CACNA1E: variants seen among roughly 807,000 people sequenced by gnomAD.
The protein encoded by CACNA1E is calcium voltage-gated channel subunit alpha1 E, also known as voltage-dependent R-type calcium channel subunit alpha-1E.
A neutral mutation model predicts 259.2 loss-of-function variants in CACNA1E; 40 were observed. That is an observed-to-expected ratio of 0.15 (90% CI 0.12 to 0.20). CACNA1E has a LOEUF of 0.20. Ranked by LOEUF, CACNA1E falls within the 10% of genes least tolerant of loss-of-function variation. CACNA1E has a pLI of 1.00. For missense variants in CACNA1E, 1,874 were observed against 3,040.1 expected, an observed-to-expected ratio of 0.62 and a Z score of 9.02; for synonymous variants, 1,104 against 1,138.5, an observed-to-expected ratio of 0.97 and a Z score of 0.61.
intron 6 of CACNA1E, among the ~76,000 whole-genome samples, chr1:181,617,141 G>A (rs1343872601): frequency 6.6e-6 from 1 of 151,948 alleles, no homozygotes; most frequent in African/African-American, 2.4e-5. Flanking sequence ...TGGTTTTGTT[G>A]ATTTTTCTGG....
At chr1:181,691,146 C>T (rs1651110942) in intron 7 of CACNA1E, among the ~76,000 whole-genome samples, 1 of 151,840 alleles carries the variant, frequency 6.6e-6, no homozygotes, top group African/African-American at 2.4e-5. Context: ...TTCTATTAGC[C>T]TCACTTTCAG....
At chr1:181,544,738 G>A (rs981974423) in intron 3 of CACNA1E, among the ~76,000 whole-genome samples, 13 of 152,134 alleles carry the variant, frequency 8.5e-5, no homozygotes, top group Non-Finnish European at 1.8e-4. Context: ...GACATGGTGG[G>A]GAAGCAGCAG....
intron 26 of CACNA1E, among the ~76,000 whole-genome samples, chr1:181,750,717 A>G (rs1489679794): frequency 6.6e-6 from 1 of 152,234 alleles, no homozygotes; most frequent in African/African-American, 2.4e-5. Flanking sequence ...GTATGTAGAC[A>G]GATGAGCCTA....
At chr1:181,558,400 G>A (rs2102874312) in intron 3 of CACNA1E, among the ~76,000 whole-genome samples, 1 of 152,348 alleles carries the variant, frequency 6.6e-6, no homozygotes, top group South Asian at 2.1e-4. Context: ...AGGCAGCACA[G>A]GCTTTGCCCT....
At chr1:181,731,071 A>G in intron 18 of CACNA1E, 104 bp from the exon 19 acceptor site, 1 of 841,254 alleles carries the variant, frequency 1.2e-6, no homozygotes. Flanking sequence ...CCTGATGGCC[A>G]CACAGAGGAC....
At chr1:181,508,776 C>T (rs1380525607) in intron 1 of CACNA1E, among the ~76,000 whole-genome samples, 1 of 152,184 alleles carries the variant, frequency 6.6e-6, no homozygotes, top group African/African-American at 2.4e-5. Flanking sequence ...AGGGGCTTCA[C>T]ACCCGGAGTG....
chr1:181,789,687 C>G (rs895780454), intron 43 of CACNA1E, among the ~76,000 whole-genome samples: 1 of 152,230 alleles, frequency 6.6e-6, no homozygotes, highest in Non-Finnish European at 1.5e-5. Flanking sequence ...TCTCTCCTAA[C>G]AAGCCCAGTG....
rs78724025 is a variant in CACNA1E at position 181,462,510 on chromosome 1, G to T, written c.435-21234G>T. On this transcript the variant is annotated intron_variant, in intron 2 of 11. Coordinates refer to the CACNA1E transcript ENST00000524607. ...TGTATAGAAAACAAGAGACACCCAC[G>T]TACCCACTACCAAGATTAAATACAT... is the stretch of plus-strand genomic sequence containing the variant. Among the ~76,000 whole-genome samples, 721 of 152,218 alleles carry T rather than the reference G, an allele frequency of 4.7e-3. 5 individuals are homozygous for T. Among genetic ancestry groups the T allele is most frequent in the Admixed American group, 0.014 (216 of 15,294 alleles).
At chr1:181,788,018 C>T (rs1202197000) in intron 43 of CACNA1E, among the ~76,000 whole-genome samples, 1 of 152,136 alleles carries the variant, frequency 6.6e-6, no homozygotes, top group East Asian at 1.9e-4. Context: ...TTCTTGAATT[C>T]AGTGTAGGCT....
intron 6 of CACNA1E, among the ~76,000 whole-genome samples, chr1:181,624,057 G>C (rs1306698079): frequency 6.6e-6 from 1 of 152,204 alleles, no homozygotes; most frequent in African/African-American, 2.4e-5. Context: ...GGTGGAAGGC[G>C]AAGGGGAGCC....
At chr1:181,786,154 C>T (rs545943336) in intron 43 of CACNA1E, among the ~76,000 whole-genome samples, 12 of 152,238 alleles carry the variant, frequency 7.9e-5, no homozygotes, top group Non-Finnish European at 1.3e-4. Context: ...ATCGCTTCCC[C>T]GTGGATCTAG....
chr1:181,400,338 T>C (rs1275931736), intron 1 of CACNA1E, among the ~76,000 whole-genome samples: 2 of 152,216 alleles, frequency 1.3e-5, no homozygotes, highest in Non-Finnish European at 2.9e-5. Flanking sequence ...TTGATGTATA[T>C]ACAGTCAGCT....
At chr1:181,399,077 A>C (rs1246349437) in intron 1 of CACNA1E, among the ~76,000 whole-genome samples, 1 of 152,066 alleles carries the variant, frequency 6.6e-6, no homozygotes, top group Admixed American at 6.5e-5. Flanking sequence ...ACATCCCCTC[A>C]ATCCTTTGAT....
chr1:181,715,924 T>C, intron 9 of CACNA1E, 116 bp from the exon 10 acceptor site: 1 of 679,074 alleles, frequency 1.5e-6, no homozygotes, highest in Admixed American at 2.2e-5. Context: ...GGCAGATAGA[T>C]GCCTGTGTTA....
chr1:181,681,513 A>G (rs1649969004), intron 7 of CACNA1E, among the ~76,000 whole-genome samples: 1 of 152,168 alleles, frequency 6.6e-6, no homozygotes, highest in Non-Finnish European at 1.5e-5. Flanking sequence ...GGTTTCTGCC[A>G]TAGCCTACCA....
At chr1:181,419,534 T>C (rs1458720910) in intron 2 of CACNA1E, among the ~76,000 whole-genome samples, 1 of 152,214 alleles carries the variant, frequency 6.6e-6, no homozygotes, top group African/African-American at 2.4e-5. Flanking sequence ...ATAGCCCTTA[T>C]TGTTTCCCCA....
intron 8 of CACNA1E, 112 bp downstream of exon 8, chr1:181,711,181 C>A: frequency 1.4e-6 from 1 of 728,388 alleles, no homozygotes. Context: ...ACAAGAGAGA[C>A]ACTCTGGATG....
chr1:181,408,721 C>T (rs1382536072), intron 1 of CACNA1E, among the ~76,000 whole-genome samples: 1 of 152,182 alleles, frequency 6.6e-6, no homozygotes, highest in Non-Finnish European at 1.5e-5. Context: ...TGCTCATTAA[C>T]CAAACTTAGC....
chr1:181,732,703 C>A lies in CACNA1E; in HGVS notation c.2617C>A (p.Pro873Thr). ...RSSALDNQRTPLSLGQREPPW... is the reference protein window; with the variant it reads ...RSSALDNQRTTLSLGQREPPW... ...CAGTGCCCTGGACAACCAGAGGACCCCTTTGTCCCTGGGCCAGCGGGAGCC... is the reference window on the plus strand; with the variant it reads ...CAGTGCCCTGGACAACCAGAGGACCACTTTGTCCCTGGGCCAGCGGGAGCC... Residue 873 changes from proline to threonine, a missense_variant, in exon 20 of 48, where the codon CCT becomes ACT. Physicochemically the swap from Pro to Thr is conservative, Grantham distance 38 (BLOSUM62 -1). This residue lies in a region of CACNA1E where 476 missense variants were observed against 514.0 expected (regional missense o/e 0.93). Transcript: ENST00000367573. The surrounding 1 kb of genome is among the most constrained non-coding windows in gnomAD (Gnocchi z 5.5). The A allele has an allele frequency of 6.5e-7, 1 of 1,537,928 alleles. No homozygotes were observed. The highest frequency in any genetic ancestry group is 8.7e-7 in the Non-Finnish European group (1 of 1,143,802).
Sources: gnomAD v4.1 joint callset for allele counts (sites outside exome capture counted in the v4.1 genomes callset) on GRCh38, gnomAD v4.1.1 for gene constraint, gnomAD v4.1.1 regional missense constraint, Gnocchi (gnomAD v3.1) non-coding constraint, MANE v1.5 for transcripts, NCBI Gene and HGNC (gene_info 2026-07-23, HGNC 2026-07-21) for gene names.